The following MUC4 variants were observed in gnomAD, a reference collection of about 807,000 sequenced individuals.
MUC4 encodes mucin 4, cell surface associated, also known as mucin-4.
In MUC4, 202 loss-of-function variants were observed where a neutral mutation model predicts 257.9. The observed-to-expected ratio is 0.78, with a 90% confidence interval of 0.70 to 0.88. The LOEUF (loss-of-function observed/expected upper bound fraction) is 0.88, where lower values mean the gene tolerates loss of function less well. MUC4 is among the 40% of genes least tolerant of loss of function. MUC4 has a pLI of 0.00. For synonymous variants in MUC4, 2,351 were observed against 2,757.1 expected (o/e 0.85, Z 4.62); for missense variants, 5,976 against 6,513.7 (o/e 0.92, Z 2.84).
chr3:195,766,866 G>A lies in MUC4; in HGVS notation c.13530-115C>T, dbSNP rs115661203. ...AGCAGCTGGTCAACCAGCTAGGCGG[G>A]CAGTGGGTCAGTGGGTCAGCCAGCC... On this transcript the variant is annotated intron_variant, in intron 7 of 24. Transcript: ENST00000463781. 2.1e-3 allele frequency: 1,866 copies of A among 886,144 alleles called. 2 individuals carry two copies. Among genetic ancestry groups the A allele is most frequent in the Non-Finnish European group, 2.8e-3 (1,533 of 553,194 alleles). The allele number at this position is 886,144 out of a possible 1,614,324, so 54.9% of individuals were successfully genotyped here.
chr3:195,799,260 T>TGAGAGA (rs144440668), intron 1 of MUC4, among the ~76,000 whole-genome samples: 18 of 149,116 alleles, frequency 1.2e-4, no homozygotes, highest in South Asian at 2.1e-4. Flanking sequence ...TGTGTGTGTG[T>TGAGAGA]GACACTGTGT....
In MUC4 at chr3:195,771,758, G is replaced by T. The variant is rs776029142; in HGVS notation, c.13136C>A (p.Pro4379His). Reference sequence around the variant, plus strand: ...TGTGAAGCCTGTTGGGAGTGGGTTGGGGTAGGAGAAAATCTGGTAGTCTGA... The same window carrying T: ...TGTGAAGCCTGTTGGGAGTGGGTTGTGGTAGGAGAAAATCTGGTAGTCTGA... ...PESDYQIFSYPNPLPTGFTGR... is the reference protein window; with the variant it reads ...PESDYQIFSYHNPLPTGFTGR... Residue 4379 changes from proline to histidine, a missense_variant, in exon 5 of 25, where the codon CCC becomes CAC. Coordinates refer to ENST00000463781, the MANE Select transcript of MUC4 (RefSeq NM_018406.7). The T allele has an allele frequency of 1.2e-6, 2 of 1,613,920 alleles. No homozygotes were observed. The highest frequency in any genetic ancestry group is 4.5e-5 in the East Asian group (2 of 44,890).
At chr3:195,767,757 CCAT>C (rs1285699291) in intron 7 of MUC4, among the ~76,000 whole-genome samples, 1 of 79,946 alleles carries the variant, frequency 1.3e-5, no homozygotes, top group Non-Finnish European at 2.5e-5. Context: ...GCCACCACCA[CCAT>C]CACCACCACC....
intron 1 of MUC4, among the ~76,000 whole-genome samples, chr3:195,796,797 A>G (rs1303607254): frequency 1.3e-5 from 2 of 152,236 alleles, no homozygotes; most frequent in Non-Finnish European, 2.9e-5. Context: ...TCAATTCTAT[A>G]CAAACATATT....
intron 1 of MUC4, among the ~76,000 whole-genome samples, chr3:195,795,400 C>G (rs1315797707): frequency 1.3e-5 from 2 of 152,070 alleles, no homozygotes; most frequent in African/African-American, 2.4e-5. Context: ...GGCACAGCTC[C>G]ATTTCAGCAA....
Position 195,765,435 on chromosome 3 carries a change from G to A in MUC4, c.13633C>T (p.Gln4545Ter), listed in dbSNP as rs1469152523. 1 of 1,612,774 alleles carries A rather than the reference G, an allele frequency of 6.2e-7. No individual in the cohort carries two copies. Among genetic ancestry groups the A allele is most frequent in the Admixed American group, 1.7e-5 (1 of 59,952 alleles). Residue 4545 changes from glutamine to a stop codon, truncating the protein, a stop_gained, in exon 9 of 25, where the codon CAG becomes TAG. Coordinates refer to ENST00000463781, the MANE Select transcript of MUC4 (RefSeq NM_018406.7). LOFTEE classifies it high-confidence loss of function. The stretch of plus-strand genomic sequence containing the variant: ...TCTTCCCGGTGTAGCCTGTAGAACT[G>A]CAGCCCTTGGAGGCCTGAGGTCGGG... ...LNSNSGLQGL[Q>*]FYRLHREERP...
rs577491442 is a variant in MUC4 at position 195,765,201 on chromosome 3, G to T, written c.13798+69C>A. 88 of 1,586,074 alleles carry T rather than the reference G, an allele frequency of 5.5e-5. No individual in the cohort carries two copies. In the African/African-American group the frequency reaches 1.1e-3, roughly 20 times the overall value. ...TGGGAACAAGCAGGGGCTGTTTCTG[G>T]GGAGAGGCTGAGGGCGTGAGCAGAG... On this transcript the variant is annotated intron_variant, in intron 9 of 24. Coordinates refer to ENST00000463781, the MANE Select transcript of MUC4 (RefSeq NM_018406.7).
chr3:195,801,749 G>A (rs920838579), intron 1 of MUC4, among the ~76,000 whole-genome samples: 12 of 152,160 alleles, frequency 7.9e-5, no homozygotes, highest in African/African-American at 1.9e-4. Context: ...CAGTCCTCAC[G>A]CGTCTCATCA....
At chr3:195,799,260 T>A (rs2688529) in intron 1 of MUC4, among the ~76,000 whole-genome samples, 225 of 149,222 alleles carry the variant, frequency 1.5e-3, no homozygotes, top group South Asian at 4.0e-3. Context: ...TGTGTGTGTG[T>A]GACACTGTGT....
intron 16 of MUC4, 48 bp downstream of exon 16, chr3:195,760,836 A>G (rs1253419088): frequency 6.6e-7 from 1 of 1,525,038 alleles, no homozygotes; most frequent in Non-Finnish European, 9.1e-7. Flanking sequence ...GCAGCTCCTC[A>G]TCTGCTCCCG....
In MUC4 at chr3:195,789,062, T is replaced by A. The variant is rs776573810; in HGVS notation, c.2518A>T (p.Thr840Ser). The part of the protein sequence containing the change: ...FSSNPSRDSH[T>S]TQSTTELLSA... ...AGCAATTCGGTTGTTGACTGGGTTG[T>A]GTGACTGTCCCTGGAGGGGTTTGAT... The change falls in exon 2 of 25, where the codon ACA (threonine) becomes TCA (serine). Residue 840 changes from threonine (T) to serine (S), a missense_variant. Physicochemically the swap from Thr to Ser is moderately conservative, Grantham distance 58 (BLOSUM62 1). Around this residue, in one of 44 missense-constraint regions of MUC4, gnomAD observed 1,583 missense variants for 1,257.4 expected, o/e 1.26. Coordinates refer to ENST00000463781, the MANE Select transcript of MUC4 (RefSeq NM_018406.7). The A allele has an allele frequency of 1.9e-6, 3 of 1,613,724 alleles. No individual in the cohort carries two copies. Among genetic ancestry groups the A allele is most frequent in the South Asian group, 2.2e-5 (2 of 91,062 alleles).
At chr3:195,775,575 C>T (rs1261028317) in intron 3 of MUC4, among the ~76,000 whole-genome samples, 2 of 67,706 alleles carry the variant, frequency 3.0e-5, no homozygotes, top group Non-Finnish European at 5.9e-5. Context: ...CCTTCCACAC[C>T]CATACCTTCC....
intron 10 of MUC4, among the ~76,000 whole-genome samples, chr3:195,764,774 C>A (rs1190920905): frequency 6.6e-6 from 1 of 152,178 alleles, no homozygotes; most frequent in Non-Finnish European, 1.5e-5. Context: ...CCACTCTGGC[C>A]TGGGGATGTG....
At position 195,780,421 on chromosome 3, in the gene MUC4, G is replaced by C; in HGVS notation, c.11159C>G (p.Ser3720Ter). Residue 3720 changes from serine (S) to a stop codon, truncating the protein, a stop_gained, in exon 2 of 25, where the codon TCA becomes TGA. Transcript: ENST00000463781. LOFTEE classifies it high-confidence loss of function. ...AGGGGTGACGTGACCTGTAGATACT[G>C]AGGAAGTGCTGGTGACAGGAAGAGG... ...TTPLPVTSTSSVSTGHVTPLH... is the reference protein window; with the variant it reads ...TTPLPVTSTS The C allele has an allele frequency of 6.5e-7, 1 of 1,543,116 alleles. No homozygotes were observed. Among genetic ancestry groups the C allele is most frequent in the Non-Finnish European group, 8.7e-7 (1 of 1,146,984 alleles).
At chr3:195,767,869 C>T (rs1578079648) in intron 7 of MUC4, among the ~76,000 whole-genome samples, 1 of 143,544 alleles carries the variant, frequency 7.0e-6, no homozygotes, top group South Asian at 2.2e-4. Context: ...CCCCCAACAC[C>T]ACCACCATCA....
Position 195,790,796 on chromosome 3 carries a change from C to G in MUC4, c.784G>C (p.Glu262Gln). 3.7e-6 allele frequency: 6 copies of G among 1,612,322 alleles called. No homozygotes were observed. Among genetic ancestry groups the G allele is most frequent in the Non-Finnish European group, 5.1e-6 (6 of 1,179,424 alleles). The part of the protein sequence containing the change: ...SVTNTSMMTS[E>Q]KITVTTSTGS... ...GTGGAGGTTGTCACTGTTATCTTCT[C>G]TGATGTCATCATGGATGTGTTTGTG... Residue 262 changes from glutamate (E) to glutamine (Q), a missense_variant, in exon 2 of 25, where the codon GAG (glutamate) becomes CAG (glutamine). Glu to Gln is a conservative substitution (Grantham distance 29). Transcript: ENST00000463781.
At chr3:195,795,006 C>T (rs1374694252) in intron 1 of MUC4, among the ~76,000 whole-genome samples, 1 of 152,222 alleles carries the variant, frequency 6.6e-6, no homozygotes, top group East Asian at 1.9e-4. Flanking sequence ...TCCACTTCAA[C>T]TTTAAACGGA....
rs1720587044 is a variant in MUC4 at position 195,766,756 on chromosome 3, A to C, written c.13530-5T>G. ...TTTTCGAAATAGCCATCTCCACTGC[A>C]GGAAAGGAGAGACTCTCAGGCCTCT... On this transcript the variant is annotated splice_region_variant and splice_polypyrimidine_tract_variant and intron_variant, in intron 7 of 24. Coordinates refer to ENST00000463781, the MANE Select transcript of MUC4 (RefSeq NM_018406.7). 1 of 1,613,680 alleles carries C rather than the reference A, an allele frequency of 6.2e-7. No homozygotes were observed.
intron 15 of MUC4, 36 bp downstream of exon 15, chr3:195,761,448 C>G (rs1325913495): frequency 7.1e-6 from 11 of 1,546,600 alleles, no homozygotes; most frequent in Middle Eastern, 1.7e-4. Context: ...GCTCCCCTCA[C>G]CTGCCCCTCT....
Sources: allele counts gnomAD v4.1 joint callset (sites outside exome capture counted in the v4.1 genomes callset), GRCh38; gene constraint gnomAD v4.1.1; regional missense constraint gnomAD v4.1.1; transcripts MANE v1.5; gene names NCBI Gene and HGNC (gene_info 2026-07-23, HGNC 2026-07-21).